The following ZFHX3 variants were observed in gnomAD, a reference collection of about 807,000 sequenced individuals.
The protein encoded by ZFHX3 is zinc finger homeobox protein 3.
Under a neutral mutation model 279.1 loss-of-function variants are expected in ZFHX3, and 42 were observed. That is an observed-to-expected ratio of 0.15 (90% CI 0.12 to 0.19). The LOEUF is 0.19. Ranked by LOEUF, ZFHX3 falls within the 10% of genes least tolerant of loss-of-function variation. The probability of loss-of-function intolerance (pLI) is 1.00; values close to 1 mark genes in which losing one functional copy is unlikely to be tolerated. For missense variants in ZFHX3, 4,981 were observed against 4,754.0 expected, an observed-to-expected ratio of 1.05 and a Z score of -1.40; for synonymous variants, 2,293 against 1,957.8, an observed-to-expected ratio of 1.17 and a Z score of -4.52.
intron 2 of ZFHX3, among the ~76,000 whole-genome samples, chr16:73,651,577 C>T (rs1047469144): frequency 6.6e-6 from 1 of 150,846 alleles, no homozygotes; most frequent in Admixed American, 6.6e-5. Flanking sequence ...GTGGCTCACG[C>T]CTGTAATCCA....
At chr16:73,853,712 A>T (rs1023014243) in intron 1 of ZFHX3, among the ~76,000 whole-genome samples, 16 of 152,222 alleles carry the variant, frequency 1.1e-4, no homozygotes, top group African/African-American at 3.6e-4. Flanking sequence ...GGACTGAAAA[A>T]TAACCATCCA....
At chr16:73,697,359 G>C (rs1393013621) in intron 1 of ZFHX3, among the ~76,000 whole-genome samples, 2 of 152,030 alleles carry the variant, frequency 1.3e-5, no homozygotes, top group Non-Finnish European at 2.9e-5. Context: ...CAGGTATAAA[G>C]ACAAATGAAT....
intron 8 of ZFHX3, among the ~76,000 whole-genome samples, chr16:73,091,143 G>A (rs1054711223): frequency 9.9e-5 from 15 of 151,474 alleles, no homozygotes; most frequent in African/African-American, 3.4e-4. Context: ...CCCGGGAGGT[G>A]GGGCTTGCAG....
At chr16:73,642,184 T>G (rs1037665736) in intron 2 of ZFHX3, among the ~76,000 whole-genome samples, 2 of 152,176 alleles carry the variant, frequency 1.3e-5, no homozygotes, top group South Asian at 4.1e-4. Context: ...GTGGAACTCT[T>G]TTTCTTTTAC....
chr16:73,023,629 C>T (rs1964391266), intron 1 of ZFHX3, among the ~76,000 whole-genome samples: 1 of 152,244 alleles, frequency 6.6e-6, no homozygotes, highest in Non-Finnish European at 1.5e-5. Context: ...CTAATGCATC[C>T]TTCAGGTAGG....
In ZFHX3 at chr16:72,783,326, C is replaced by G. The variant is rs182408064; in HGVS notation, c.*3838G>C. 1 of 152,184 alleles carries G rather than the reference C, an allele frequency of 6.6e-6. No individual in the cohort carries two copies. The highest frequency in any genetic ancestry group is 2.1e-4 in the South Asian group (1 of 4,790). 9.4% of individuals were successfully genotyped at this position (152,184 alleles called of 1,614,324 possible). A position where few individuals can be genotyped will look rare whatever the true frequency, so the allele number is the denominator to read the frequency against. ...GAAAGTAAACAAACAAAAAACTAGT[C>G]AAAGCTTTGTTTCACAGTGGGCAGT... On this transcript the variant is annotated 3_prime_UTR_variant, in exon 10 of 10. Coordinates refer to ENST00000268489, the MANE Select transcript of ZFHX3 (RefSeq NM_006885.4).
chr16:73,208,069 C>T (rs183009436), intron 5 of ZFHX3, among the ~76,000 whole-genome samples: 587 of 152,264 alleles, frequency 3.9e-3, no homozygotes, highest in Non-Finnish European at 6.6e-3. Flanking sequence ...CAAGAGCAAG[C>T]TGGATGGTTC....
chr16:73,529,213 G>T (rs1280569961), intron 2 of ZFHX3, among the ~76,000 whole-genome samples: 1 of 152,206 alleles, frequency 6.6e-6, no homozygotes, highest in Non-Finnish European at 1.5e-5. Flanking sequence ...TTGTATGTTT[G>T]TGATAATTTT....
Position 73,311,462 on chromosome 16 carries a change from C to T in ZFHX3, c.-1194+6778G>A, listed in dbSNP as rs982893902. 1.5e-4 allele frequency among the ~76,000 whole-genome samples: 18 copies of T among 122,592 alleles called. No individual in the cohort carries two copies. The South Asian group carries it at 3.0e-3, about 20-fold the overall frequency. The allele number at this position is 122,592 out of a possible 152,430, so 80.4% of individuals were successfully genotyped here. A position where few individuals can be genotyped will look rare whatever the true frequency, so the allele number is the denominator to read the frequency against. On this transcript the variant is annotated intron_variant, in intron 4 of 17. Transcript: ENST00000641206. Reference sequence around the variant, plus strand: ...ATACAAAAATTAGCCAGGTGGCAGACGCTTGTAATCCCAGCTGCTGGGGAA... The same window carrying T: ...ATACAAAAATTAGCCAGGTGGCAGATGCTTGTAATCCCAGCTGCTGGGGAA...
chr16:73,293,460 C>G lies in ZFHX3; in HGVS notation c.-1194+24780G>C, dbSNP rs61011662. Among the ~76,000 whole-genome samples the G allele has an allele frequency of 5.7e-3, 874 of 152,266 alleles. 6 individuals carry two copies. Among genetic ancestry groups the G allele is most frequent in the African/African-American group, 0.016 (647 of 41,562 alleles). On this transcript the variant is annotated intron_variant, in intron 4 of 17. Transcript: ENST00000641206. Reference sequence around the variant, plus strand: ...CAGGAATCATCATAAATGGTACTTTCAAGATTTTGGTGCCTGTAATGTCCC... The same window carrying G: ...CAGGAATCATCATAAATGGTACTTTGAAGATTTTGGTGCCTGTAATGTCCC...
chr16:73,249,482 G>C (rs2144954175), intron 5 of ZFHX3, among the ~76,000 whole-genome samples: 1 of 152,284 alleles, frequency 6.6e-6, no homozygotes, highest in South Asian at 2.1e-4. Flanking sequence ...GAGAGAATGA[G>C]AGCCAAGTGA....
chr16:73,065,197 C>T (rs1739507315), intron 8 of ZFHX3, among the ~76,000 whole-genome samples: 1 of 152,192 alleles, frequency 6.6e-6, no homozygotes, highest in South Asian at 2.1e-4. Flanking sequence ...GCACATAGCC[C>T]TCCTGGGCCA....
chr16:73,285,009 G>A (rs1394219526), intron 4 of ZFHX3, among the ~76,000 whole-genome samples: 1 of 152,096 alleles, frequency 6.6e-6, no homozygotes, highest in Admixed American at 6.5e-5. Context: ...CCTGGCTAAT[G>A]CTTTTATAAA....
At chr16:73,649,497 T>G (rs2052651054) in intron 2 of ZFHX3, among the ~76,000 whole-genome samples, 1 of 152,214 alleles carries the variant, frequency 6.6e-6, no homozygotes, top group South Asian at 2.1e-4. Flanking sequence ...TGATTGTCTT[T>G]GGGTAAGATT....
At chr16:72,871,947 T>C (rs1247803305) in intron 4 of ZFHX3, among the ~76,000 whole-genome samples, 1 of 152,022 alleles carries the variant, frequency 6.6e-6, no homozygotes, top group East Asian at 2.0e-4. Flanking sequence ...TAGCCAGGCG[T>C]GCTGGTGGGC....
chr16:73,607,559 A>G (rs1303887909), intron 2 of ZFHX3, among the ~76,000 whole-genome samples: 1 of 152,228 alleles, frequency 6.6e-6, no homozygotes, highest in Non-Finnish European at 1.5e-5. Context: ...AGGTATCCCT[A>G]ATTATCCAAC....
intron 1 of ZFHX3, among the ~76,000 whole-genome samples, chr16:73,728,060 C>A (rs2053537023): frequency 8.2e-6 from 1 of 121,310 alleles, no homozygotes; most frequent in South Asian, 3.0e-4. Flanking sequence ...GTTGTAACTC[C>A]CAGCATCTAA....
At chr16:73,677,596 A>T (rs943121136) in intron 2 of ZFHX3, among the ~76,000 whole-genome samples, 1 of 152,000 alleles carries the variant, frequency 6.6e-6, no homozygotes, top group African/African-American at 2.4e-5. Context: ...GTGATTTAAC[A>T]ATAGATTTCT....
intron 1 of ZFHX3, among the ~76,000 whole-genome samples, chr16:73,887,042 A>C (rs1461441937): frequency 6.6e-6 from 1 of 152,226 alleles, no homozygotes; most frequent in East Asian, 1.9e-4. Context: ...TCAGTCAAAA[A>C]TCCATATGGT....
Sources: gnomAD v4.1 joint callset for allele counts (sites outside exome capture counted in the v4.1 genomes callset) on GRCh38, gnomAD v4.1.1 for gene constraint, MANE v1.5 for transcripts, NCBI Gene and HGNC (gene_info 2026-07-23, HGNC 2026-07-21) for gene names.